The following SCN3A variants were observed in gnomAD, a reference collection of about 807,000 sequenced individuals.
The protein encoded by SCN3A is sodium voltage-gated channel alpha subunit 3, also known as sodium channel protein type 3 subunit alpha.
In SCN3A, 60 loss-of-function variants were observed where a neutral mutation model predicts 187.6. The ratio of observed to expected loss-of-function variants is 0.32; its 90% CI spans 0.26 to 0.40. The LOEUF is 0.40. Among genes scored for constraint, SCN3A ranks in the 10% least tolerant of loss-of-function variants. SCN3A has a pLI of 1.00. For synonymous variants in SCN3A, 788 were observed against 829.2 expected, an observed-to-expected ratio of 0.95 and a Z score of 0.85; for missense variants, 1,601 against 2,428.2, an observed-to-expected ratio of 0.66 and a Z score of 7.16.
At chr2:165,154,285 G>C (rs1559238102) in intron 11 of SCN3A, among the ~76,000 whole-genome samples, 167 bp downstream of exon 11, 1 of 151,880 alleles carries the variant, frequency 6.6e-6, no homozygotes, top group Non-Finnish European at 1.5e-5. Context: ...AAGTTTGTTA[G>C]ACTCTAACTT....
At chr2:165,104,621 GA>G (rs946653682) in intron 21 of SCN3A, among the ~76,000 whole-genome samples, 4 of 149,282 alleles carry the variant, frequency 2.7e-5, no homozygotes, top group Non-Finnish European at 4.5e-5. Flanking sequence ...AAACCAAGAA[GA>G]AAAAAAATTC....
chr2:165,200,758 G>A (rs1692266882), intron 1 of SCN3A, among the ~76,000 whole-genome samples: 1 of 152,006 alleles, frequency 6.6e-6, no homozygotes, highest in Admixed American at 6.6e-5. Context: ...GAGGCCTGGG[G>A]TGCTGAAAGG....
rs77428086 is a variant in SCN3A, at chr2:165,143,847, G to A, written c.1672-2849C>T. On this transcript the variant is annotated intron_variant, in intron 12 of 27. Coordinates refer to ENST00000283254, the MANE Select transcript of SCN3A (RefSeq NM_006922.4). ...GCATGTAGGGTTTGGATTCAAAGTG[G>A]GTTGGGAAAAGTCAAGATGGAAAAA... is the stretch of plus-strand genomic sequence containing the variant. Among the ~76,000 whole-genome samples the A allele has an allele frequency of 7.4e-3, 1,132 of 152,236 alleles. 18 individuals carry two copies. The highest frequency in any genetic ancestry group is 0.026 in the African/African-American group (1,093 of 41,538).
Position 165,163,080 on chromosome 2 carries a change from G to A in SCN3A, c.695-252C>T, listed in dbSNP as rs569621792. On this transcript the variant is annotated intron_variant, in intron 7 of 27. Transcript: ENST00000283254. ...TTTTGTTTGTGTGGTTTTACATGCT[G>A]AACAAACATACAAAAAAACTTGGAG... Among the ~76,000 whole-genome samples the A allele has an allele frequency of 5.9e-5, 9 of 152,194 alleles. No homozygotes were observed. The South Asian group carries it at 1.7e-3, about 28-fold the overall frequency.
At chr2:165,095,897 G>A (rs552501765) in intron 24 of SCN3A, among the ~76,000 whole-genome samples, 1 of 151,966 alleles carries the variant, frequency 6.6e-6, no homozygotes, top group South Asian at 2.1e-4. Context: ...CATAAATACG[G>A]TGATATAAGC....
chr2:165,171,373 G>A (rs751048004), intron 3 of SCN3A, among the ~76,000 whole-genome samples: 6 of 151,924 alleles, frequency 3.9e-5, no homozygotes, highest in Non-Finnish European at 5.9e-5. Flanking sequence ...GTCATTTAAT[G>A]CAAACTCCCT....
intron 2 of SCN3A, among the ~76,000 whole-genome samples, chr2:165,186,003 G>A (rs563552996): frequency 6.6e-6 from 1 of 152,248 alleles, no homozygotes; most frequent in South Asian, 2.1e-4. Flanking sequence ...TGGGCGCGAT[G>A]GCTCACACCT....
At chr2:165,100,544 T>C in intron 21 of SCN3A, 120 bp from the exon 22 acceptor site, 9 of 974,672 alleles carry the variant, frequency 9.2e-6, no homozygotes, top group Non-Finnish European at 1.4e-5. Flanking sequence ...TTGGCAACTT[T>C]CATCTTCCAC....
chr2:165,098,272 C>G (rs1685453496), intron 22 of SCN3A, among the ~76,000 whole-genome samples: 1 of 152,168 alleles, frequency 6.6e-6, no homozygotes, highest in African/African-American at 2.4e-5. Flanking sequence ...ATTTTGAAAT[C>G]TTTATGAAAG....
At chr2:165,153,387 T>A (rs930799797) in intron 11 of SCN3A, among the ~76,000 whole-genome samples, 8 of 152,104 alleles carry the variant, frequency 5.3e-5, no homozygotes, top group African/African-American at 1.9e-4. Flanking sequence ...GGCAAAAATT[T>A]CTTAGATCCA....
chr2:165,192,144 C>G (rs1691652888), intron 1 of SCN3A, among the ~76,000 whole-genome samples: 1 of 151,956 alleles, frequency 6.6e-6, no homozygotes, highest in Non-Finnish European at 1.5e-5. Flanking sequence ...AAAACAAAGT[C>G]AAACTTTATA....
At chr2:165,117,444 CT>C (rs1248655048) in intron 18 of SCN3A, among the ~76,000 whole-genome samples, 3 of 151,910 alleles carry the variant, frequency 2.0e-5, no homozygotes, top group African/African-American at 4.8e-5. Context: ...TACTTGTTTC[CT>C]TTGACTAAAT....
At chr2:165,096,556 T>C in intron 23 of SCN3A, 36 bp from the exon 24 acceptor site, 2 of 1,500,832 alleles carry the variant, frequency 1.3e-6, no homozygotes, top group Non-Finnish European at 1.9e-6. Flanking sequence ...TTCATAAAAA[T>C]TTCACCTAAC....
At position 165,129,965 on chromosome 2, in the gene SCN3A, A is replaced by G. The variant is rs771382694; in HGVS notation, c.2897T>C (p.Leu966Ser). ...CACAAGGTTTCCAATGACCATGACC[A>G]ACATGAAAACAATAAGGCACATGGT... ...GQTMCLIVFM[L>S]VMVIGNLVVL... is the part of the protein sequence containing the mutation. The change falls in exon 17 of 28, where the codon TTG (leucine) becomes TCG (serine). Residue 966 changes from leucine (L) to serine (S), a missense_variant. Coordinates refer to ENST00000283254, the MANE Select transcript of SCN3A (RefSeq NM_006922.4). 1 of 1,614,168 alleles carries G rather than the reference A, an allele frequency of 6.2e-7. No individual in the cohort carries two copies. The highest frequency in any genetic ancestry group is 8.5e-7 in the Non-Finnish European group (1 of 1,179,998).
At chr2:165,114,305 A>G (rs1311649835) in intron 19 of SCN3A, among the ~76,000 whole-genome samples, 1 of 152,174 alleles carries the variant, frequency 6.6e-6, no homozygotes, top group Non-Finnish European at 1.5e-5. Flanking sequence ...CAAAAACTAC[A>G]TGTTCGATTT....
intron 5 of SCN3A, among the ~76,000 whole-genome samples, chr2:165,166,931 G>C (rs751885311): frequency 2.0e-5 from 3 of 149,116 alleles, no homozygotes; most frequent in African/African-American, 7.5e-5. Context: ...ACAGAGTTTC[G>C]CTCTGTCGTC....
intron 21 of SCN3A, among the ~76,000 whole-genome samples, chr2:165,103,169 G>T (rs1251448935): frequency 6.6e-6 from 1 of 152,116 alleles, no homozygotes; most frequent in Admixed American, 6.6e-5. Context: ...ATTATAAGTG[G>T]AGATAGCTCC....
chr2:165,187,013 C>A (rs62176180), intron 1 of SCN3A, among the ~76,000 whole-genome samples: 310 of 152,260 alleles, frequency 2.0e-3, no homozygotes, highest in Non-Finnish European at 3.9e-3. Flanking sequence ...TCCATTTAGT[C>A]TTTCTGAAGG....
At chr2:165,184,505 A>G (rs1446533063) in intron 2 of SCN3A, among the ~76,000 whole-genome samples, 1 of 150,718 alleles carries the variant, frequency 6.6e-6, no homozygotes, top group Non-Finnish European at 1.5e-5. Context: ...AAAAAGAAAA[A>G]AAAAAAAAAG....
Sources: allele counts gnomAD v4.1 joint callset (sites outside exome capture counted in the v4.1 genomes callset), GRCh38; gene constraint gnomAD v4.1.1; transcripts MANE v1.5; gene names NCBI Gene and HGNC (gene_info 2026-07-23, HGNC 2026-07-21).